The following KCNH8 variants were observed in gnomAD, a reference collection of about 807,000 sequenced individuals.
The protein encoded by KCNH8 is voltage-gated delayed rectifier potassium channel KCNH8.
KCNH8 carries 70 observed loss-of-function variants against 103.6 expected under a neutral mutation model. The ratio of observed to expected loss-of-function variants is 0.68; its 90% CI spans 0.56 to 0.82. The LOEUF is 0.82. KCNH8 is among the 40% of genes least tolerant of loss of function. The pLI, the probability that KCNH8 is intolerant of heterozygous loss-of-function variation, is 0.00. For missense variants in KCNH8, 1,217 were observed against 1,329.9 expected, an observed-to-expected ratio of 0.92 and a Z score of 1.32; for synonymous variants, 498 against 489.4, an observed-to-expected ratio of 1.02 and a Z score of -0.23.
At chr3:19,478,717 G>A (rs2068025537) in intron 11 of KCNH8, among the ~76,000 whole-genome samples, 1 of 152,054 alleles carries the variant, frequency 6.6e-6, no homozygotes, top group South Asian at 2.1e-4. Context: ...TTGAGAAGAG[G>A]AAATGAACGT....
rs1016818674 is a variant in KCNH8 at position 19,285,954 on chromosome 3, A to G, written c.442+4625A>G. 4.6e-5 allele frequency among the ~76,000 whole-genome samples: 7 copies of G among 152,338 alleles called. No individual in the cohort carries two copies. The East Asian group carries it at 1.4e-3, about 29-fold the overall frequency. On this transcript the variant is annotated intron_variant, in intron 3 of 15. Coordinates refer to ENST00000328405, the MANE Select transcript of KCNH8 (RefSeq NM_144633.3). ...TCAAGGAGAACTTCACAGGAGAAATAATATTGAAGCAAATCGTGAAAGATG... is the reference window on the plus strand; with the variant it reads ...TCAAGGAGAACTTCACAGGAGAAATGATATTGAAGCAAATCGTGAAAGATG...
chr3:19,463,672 G>T (rs1043278292), intron 11 of KCNH8, among the ~76,000 whole-genome samples: 6 of 152,054 alleles, frequency 3.9e-5, no homozygotes, highest in Non-Finnish European at 8.8e-5. Flanking sequence ...TATCCATTTT[G>T]CAGAAAAATA....
chr3:19,196,920 A>G (rs1242148603), intron 1 of KCNH8, among the ~76,000 whole-genome samples: 1 of 152,082 alleles, frequency 6.6e-6, no homozygotes, highest in Non-Finnish European at 1.5e-5. Context: ...AAACATAGCT[A>G]ATAAATAGCA....
At chr3:19,476,310 A>G (rs1410282160) in intron 11 of KCNH8, among the ~76,000 whole-genome samples, 2 of 152,162 alleles carry the variant, frequency 1.3e-5, no homozygotes, top group East Asian at 1.9e-4. Context: ...ATAATTGACA[A>G]TGGGCTTCCT....
chr3:19,411,208 C>T (rs142488734), intron 7 of KCNH8, among the ~76,000 whole-genome samples: 5 of 151,858 alleles, frequency 3.3e-5, no homozygotes, highest in African/African-American at 7.2e-5. Flanking sequence ...AGGTTCGTTC[C>T]GCATGCACAA....
At chr3:19,487,485 CTGAGATGAACCTGGATTCCCTCAAG>C (rs1305063269) in intron 11 of KCNH8, among the ~76,000 whole-genome samples, 1 of 152,094 alleles carries the variant, frequency 6.6e-6, no homozygotes, top group East Asian at 1.9e-4. Flanking sequence ...TTTTAAGCGC[CTGAGATGAACCTGGATTCCCTCAAG>C]AGCTTCTCTG....
chr3:19,404,789 A>G (rs771075855), intron 7 of KCNH8, among the ~76,000 whole-genome samples: 5 of 151,868 alleles, frequency 3.3e-5, no homozygotes, highest in Non-Finnish European at 7.4e-5. Context: ...CTAAACACCT[A>G]CTCAGTTTCC....
intron 1 of KCNH8, among the ~76,000 whole-genome samples, chr3:19,250,045 G>A (rs778710664): frequency 6.6e-6 from 1 of 152,084 alleles, no homozygotes; most frequent in Non-Finnish European, 1.5e-5. Flanking sequence ...ACCAGGCTAC[G>A]CAACATGACA....
intron 11 of KCNH8, among the ~76,000 whole-genome samples, chr3:19,499,809 C>T (rs1299430069): frequency 6.6e-6 from 1 of 151,030 alleles, no homozygotes; most frequent in East Asian, 1.9e-4. Context: ...TGGAAAGAAA[C>T]AACCGGTACC....
chr3:19,331,336 G>T (rs1459053462), intron 3 of KCNH8, among the ~76,000 whole-genome samples: 1 of 151,236 alleles, frequency 6.6e-6, no homozygotes, highest in African/African-American at 2.4e-5. Flanking sequence ...TCTGTCGCCA[G>T]GCTGGAGTGC....
chr3:19,322,051 AC>A (rs1469106292), intron 3 of KCNH8, among the ~76,000 whole-genome samples: 1 of 151,404 alleles, frequency 6.6e-6, no homozygotes, highest in Non-Finnish European at 1.5e-5. Context: ...ATCTTTTTCC[AC>A]CCCTTTACCC....
chr3:19,435,201 GA>G (rs2067181248), intron 7 of KCNH8, among the ~76,000 whole-genome samples: 1 of 151,516 alleles, frequency 6.6e-6, no homozygotes, highest in South Asian at 2.1e-4. Context: ...TAAAACTGAA[GA>G]AAAAAAGAAT....
chr3:19,392,025 C>T (rs1038502927), intron 6 of KCNH8, among the ~76,000 whole-genome samples: 3 of 151,210 alleles, frequency 2.0e-5, no homozygotes, highest in Middle Eastern at 6.9e-3. Context: ...CTACTAAAAG[C>T]GAATACTTTT....
intron 11 of KCNH8, among the ~76,000 whole-genome samples, chr3:19,502,615 T>C (rs1263660686): frequency 6.6e-6 from 1 of 151,948 alleles, no homozygotes; most frequent in Non-Finnish European, 1.5e-5. Context: ...CCCTCAGAAA[T>C]AACGCCACAT....
At chr3:19,504,828 T>A (rs1017550639) in intron 11 of KCNH8, among the ~76,000 whole-genome samples, 6 of 152,056 alleles carry the variant, frequency 3.9e-5, no homozygotes, top group African/African-American at 1.4e-4. Context: ...TTATTGGGTA[T>A]ATACCCAAAT....
At chr3:19,497,236 T>G (rs1177725861) in intron 11 of KCNH8, among the ~76,000 whole-genome samples, 1 of 152,152 alleles carries the variant, frequency 6.6e-6, no homozygotes, top group Non-Finnish European at 1.5e-5. Context: ...TTTCATGTCT[T>G]AATATCCTTC....
chr3:19,378,222 T>C (rs542442145), intron 5 of KCNH8, among the ~76,000 whole-genome samples: 2 of 152,326 alleles, frequency 1.3e-5, no homozygotes, highest in East Asian at 3.9e-4. Context: ...ATAAAATTTG[T>C]ACATATCACT....
chr3:19,220,565 C>A (rs529397989), intron 1 of KCNH8, among the ~76,000 whole-genome samples: 53 of 151,720 alleles, frequency 3.5e-4, no homozygotes, highest in Middle Eastern at 3.4e-3. Context: ...GGACTCCCTA[C>A]ACAGATGTGG....
At chr3:19,304,484 C>T (rs954594417) in intron 3 of KCNH8, among the ~76,000 whole-genome samples, 11 of 151,590 alleles carry the variant, frequency 7.3e-5, no homozygotes, top group Admixed American at 1.3e-4. Context: ...AGAATAAATA[C>T]GATATTCATG....
Sources: gnomAD v4.1 joint callset for allele counts (sites outside exome capture counted in the v4.1 genomes callset) on GRCh38, gnomAD v4.1.1 for gene constraint, MANE v1.5 for transcripts, NCBI Gene and HGNC (gene_info 2026-07-23, HGNC 2026-07-21) for gene names.